The following PEBP4 variants were observed in gnomAD, a reference collection of about 807,000 sequenced individuals.
PEBP4 encodes phosphatidylethanolamine binding protein 4.
In PEBP4, 22 loss-of-function variants were observed where a neutral mutation model predicts 23.9. That is an observed-to-expected ratio of 0.92 (90% CI 0.66 to 1.31). PEBP4 has a LOEUF of 1.31. Among genes scored for constraint, PEBP4 ranks in the 40% most tolerant of loss-of-function variants. The pLI, the probability that PEBP4 is intolerant of heterozygous loss-of-function variation, is 0.00. For synonymous variants in PEBP4, 112 were observed against 99.3 expected, an observed-to-expected ratio of 1.13 and a Z score of -0.76; for missense variants, 324 against 281.7, an observed-to-expected ratio of 1.15 and a Z score of -1.07.
At chr8:22,816,036 T>C (rs1806733215) in intron 4 of PEBP4, among the ~76,000 whole-genome samples, 1 of 152,188 alleles carries the variant, frequency 6.6e-6, no homozygotes, top group South Asian at 2.1e-4. Flanking sequence ...ACTTCTCTCT[T>C]GAGTGTTTCA....
At chr8:22,938,574 A>C (rs1406300994) in intron 1 of PEBP4, among the ~76,000 whole-genome samples, 1 of 152,174 alleles carries the variant, frequency 6.6e-6, no homozygotes, top group African/African-American at 2.4e-5. Flanking sequence ...ATGTAGCCTA[A>C]GAATTGCTGT....
chr8:22,721,103 G>A (rs1196257501), intron 6 of PEBP4, among the ~76,000 whole-genome samples: 1 of 152,106 alleles, frequency 6.6e-6, no homozygotes, highest in Non-Finnish European at 1.5e-5. Flanking sequence ...GGCCTCGTGG[G>A]GTCTGATGCA....
intron 4 of PEBP4, among the ~76,000 whole-genome samples, chr8:22,750,006 G>A (rs765417838): frequency 7.2e-4 from 109 of 151,614 alleles, no homozygotes; most frequent in Non-Finnish European, 1.0e-3. Context: ...GGGTTTCTCC[G>A]TGTTGGTCAG....
At chr8:22,818,181 T>C (rs1188152219) in intron 3 of PEBP4, among the ~76,000 whole-genome samples, 1 of 152,240 alleles carries the variant, frequency 6.6e-6, no homozygotes. Context: ...CCAGGATTCA[T>C]TCATCCCTTC....
chr8:22,809,978 A>G (rs994075153), intron 4 of PEBP4, among the ~76,000 whole-genome samples: 2 of 152,238 alleles, frequency 1.3e-5, no homozygotes, highest in African/African-American at 4.8e-5. Context: ...AATAAAAGCC[A>G]GCTCCTTGGT....
chr8:22,726,315 T>C (rs2128748798), intron 5 of PEBP4, among the ~76,000 whole-genome samples: 1 of 152,276 alleles, frequency 6.6e-6, no homozygotes, highest in South Asian at 2.1e-4. Context: ...GTGGGCAAGA[T>C]GTGTGGGCAT....
chr8:22,909,028 C>T (rs1376496550), intron 3 of PEBP4, among the ~76,000 whole-genome samples: 3 of 152,164 alleles, frequency 2.0e-5, no homozygotes, highest in African/African-American at 7.2e-5. Flanking sequence ...GAGGTGAACC[C>T]ACCCGACCCA....
intron 3 of PEBP4, among the ~76,000 whole-genome samples, chr8:22,857,628 C>T (rs559185548): frequency 2.0e-5 from 3 of 152,020 alleles, no homozygotes; most frequent in Non-Finnish European, 4.4e-5. Context: ...CACAGGAGAA[C>T]CTGAAGTTGG....
At chr8:22,782,392 C>CTAAG (rs1237620959) in intron 4 of PEBP4, among the ~76,000 whole-genome samples, 6 of 152,220 alleles carry the variant, frequency 3.9e-5, no homozygotes, top group Admixed American at 3.3e-4. Flanking sequence ...CTACTCTGTG[C>CTAAG]TAAGCATGGT....
At chr8:22,727,315 G>A (rs941763481) in intron 4 of PEBP4, 95 bp from the exon 5 acceptor site, 1 of 1,161,468 alleles carries the variant, frequency 8.6e-7, no homozygotes, top group Non-Finnish European at 1.2e-6. Flanking sequence ...TGCAGGAGGA[G>A]GATGGGAGAG....
At chr8:22,797,701 C>A (rs113061342) in intron 4 of PEBP4, among the ~76,000 whole-genome samples, 1 of 152,062 alleles carries the variant, frequency 6.6e-6, no homozygotes, top group South Asian at 2.1e-4. Flanking sequence ...CTGAAGGAAC[C>A]GGGGGAAGAG....
intron 4 of PEBP4, among the ~76,000 whole-genome samples, chr8:22,739,910 G>C (rs1343015961): frequency 6.6e-6 from 1 of 152,166 alleles, no homozygotes; most frequent in Non-Finnish European, 1.5e-5. Context: ...GGGGATGGAG[G>C]GGGAGGGGGT....
intron 4 of PEBP4, among the ~76,000 whole-genome samples, chr8:22,803,127 T>C (rs1806423713): frequency 6.6e-6 from 1 of 152,090 alleles, no homozygotes; most frequent in Non-Finnish European, 1.5e-5. Flanking sequence ...TGGTGCTCTG[T>C]TCTAAGTGGG....
At chr8:22,802,192 G>A (rs749692301) in intron 4 of PEBP4, among the ~76,000 whole-genome samples, 4 of 152,128 alleles carry the variant, frequency 2.6e-5, no homozygotes, top group Non-Finnish European at 4.4e-5. Context: ...GCTCTCTCCC[G>A]ACTCTGGGCC....
At chr8:22,733,370 A>C (rs1237270376) in intron 4 of PEBP4, among the ~76,000 whole-genome samples, 8 of 152,024 alleles carry the variant, frequency 5.3e-5, no homozygotes, top group Non-Finnish European at 1.5e-5. Flanking sequence ...AGAGAGCTGC[A>C]TTTTCTGAGG....
At chr8:22,914,398 C>T (rs570161607) in intron 3 of PEBP4, among the ~76,000 whole-genome samples, 1 of 152,304 alleles carries the variant, frequency 6.6e-6, no homozygotes, top group South Asian at 2.1e-4. Context: ...GTAAATATTA[C>T]TGAACACATA....
intron 4 of PEBP4, among the ~76,000 whole-genome samples, chr8:22,803,467 T>A (rs1806431027): frequency 6.6e-6 from 1 of 151,834 alleles, no homozygotes; most frequent in South Asian, 2.1e-4. Context: ...GAGTTCGAGA[T>A]CAGCTTGGCC....
At chr8:22,763,593 A>G (rs1805554069) in intron 4 of PEBP4, among the ~76,000 whole-genome samples, 1 of 152,180 alleles carries the variant, frequency 6.6e-6, no homozygotes, top group Non-Finnish European at 1.5e-5. Context: ...AATGGGAACA[A>G]TGCGAGTGTC....
chr8:22,766,743 C>T (rs1805621790), intron 4 of PEBP4, among the ~76,000 whole-genome samples: 1 of 152,212 alleles, frequency 6.6e-6, no homozygotes. Context: ...TTCTCTAACA[C>T]TTTACTGCAT....
Sources: gnomAD v4.1 joint callset for allele counts (sites outside exome capture counted in the v4.1 genomes callset) on GRCh38, gnomAD v4.1.1 for gene constraint, MANE v1.5 for transcripts, NCBI Gene and HGNC (gene_info 2026-07-23, HGNC 2026-07-21) for gene names.